EML6: variants seen among roughly 807,000 people sequenced by gnomAD.
EML6 encodes echinoderm microtubule-associated protein-like 6.
In EML6, 154 loss-of-function variants were observed where a neutral mutation model predicts 240.1. The observed-to-expected ratio is 0.64, with a 90% CI of 0.56 to 0.73. EML6 has a LOEUF of 0.73. EML6 is among the 30% of genes least tolerant of loss of function. The pLI, the probability that EML6 is intolerant of heterozygous loss-of-function variation, is 0.00. For missense variants in EML6, 2,964 were observed against 2,474.6 expected (o/e 1.20, Z -4.20); for synonymous variants, 1,148 against 899.0 (o/e 1.28, Z -4.95).
intron 22 of EML6, 55 bp downstream of exon 22, chr2:54,899,837 T>C: frequency 6.8e-7 from 1 of 1,475,626 alleles, no homozygotes; most frequent in African/African-American, 1.4e-5. Flanking sequence ...ACAGAATGTG[T>C]CATATTTATT....
intron 24 of EML6, among the ~76,000 whole-genome samples, chr2:54,908,324 A>G (rs1673456610): frequency 6.6e-6 from 1 of 151,088 alleles, no homozygotes; most frequent in African/African-American, 2.4e-5. Context: ...ATCCTCTCAC[A>G]TCAGCTTCCC....
chr2:54,919,813 C>T (rs1382015258), intron 26 of EML6, among the ~76,000 whole-genome samples: 2 of 152,196 alleles, frequency 1.3e-5, no homozygotes, highest in Non-Finnish European at 2.9e-5. Context: ...AAGTTGTGTT[C>T]CTCAGACCAG....
At chr2:54,731,603 C>A (rs973079807) in intron 2 of EML6, among the ~76,000 whole-genome samples, 1 of 137,580 alleles carries the variant, frequency 7.3e-6, no homozygotes, top group Non-Finnish European at 1.5e-5. Flanking sequence ...GGTGACAGGG[C>A]AAGACCCTGT....
At position 54,968,715 on chromosome 2, in the gene EML6, C is replaced by T; in HGVS notation, c.5799C>T (p.Ile1933=). ...GTCACTCGGCTCACGTGACGAACAT[C>T]CGTTTCTCTTATGATGACAAGTATG... ...YFGHSAHVTN[I]RFSYDDKYVV... The change falls in exon 41 of 42, where the codon ATC becomes ATT. Residue 1933 remains isoleucine (I), a synonymous_variant. Coordinates refer to ENST00000356458, the MANE Select transcript of EML6 (RefSeq NM_001039753.4). The T allele has an allele frequency of 6.4e-7, 1 of 1,551,446 alleles. No individual in the cohort carries two copies. Among genetic ancestry groups the T allele is most frequent in the Non-Finnish European group, 8.7e-7 (1 of 1,146,684 alleles).
chr2:54,749,077 G>A (rs138675291), intron 2 of EML6, among the ~76,000 whole-genome samples: 2 of 152,316 alleles, frequency 1.3e-5, no homozygotes, highest in African/African-American at 2.4e-5. Context: ...TGTGATAGAT[G>A]TTGACAAATT....
chr2:54,742,797 A>G (rs753286800), intron 2 of EML6, among the ~76,000 whole-genome samples: 2 of 152,224 alleles, frequency 1.3e-5, no homozygotes, highest in Admixed American at 1.3e-4. Context: ...GAGTTGAAGA[A>G]TGACATAAAA....
At chr2:54,911,901 T>A (rs558066149) in intron 25 of EML6, among the ~76,000 whole-genome samples, 1 of 152,312 alleles carries the variant, frequency 6.6e-6, no homozygotes, top group African/African-American at 2.4e-5. Flanking sequence ...AACTAACACC[T>A]CTTGAAAGCT....
chr2:54,782,799 C>T (rs1668908856), intron 2 of EML6, among the ~76,000 whole-genome samples: 1 of 152,132 alleles, frequency 6.6e-6, no homozygotes, highest in Non-Finnish European at 1.5e-5. Flanking sequence ...GATTAAAGGC[C>T]ATAACCTCCA....
At chr2:54,782,075 T>C (rs1668879564) in intron 2 of EML6, among the ~76,000 whole-genome samples, 1 of 152,204 alleles carries the variant, frequency 6.6e-6, no homozygotes. Context: ...GCCAACCAAA[T>C]TGCATTCTGT....
chr2:54,813,330 CTCT>C lies in EML6; in HGVS notation c.301_303del (p.Leu101del). ...GATTCCTATAATGTCCAGACTGTGT[CTCT>C]TCTTAAAGATGTCCATACACATGGA... On this transcript the variant is annotated inframe_deletion, in exon 3 of 42. Transcript: ENST00000356458. 6.4e-7 allele frequency: 1 copy of C among 1,551,504 alleles called. No homozygotes were observed. Among genetic ancestry groups the C allele is most frequent in the East Asian group, 2.4e-5 (1 of 40,916 alleles).
chr2:54,924,340 G>A (rs2104366825), intron 26 of EML6, among the ~76,000 whole-genome samples: 1 of 151,860 alleles, frequency 6.6e-6, no homozygotes, highest in East Asian at 1.9e-4. Context: ...ACATTTCTCT[G>A]ATGACTAAGG....
Position 54,892,574 on chromosome 2 carries a change from T to A in EML6, c.2660T>A (p.Ile887Asn). ...TTCTCAGGAGCAGCTACTGGAGATA[T>A]TTTTATTTGGAAAGACATTCTACTA... ...LVFSGAATGD[I>N]FIWKDILLLK... The change falls in exon 19 of 42, where the codon ATT becomes AAT. Residue 887 changes from isoleucine to asparagine, a missense_variant. By Grantham distance (149) the Ile-to-Asn change is moderately radical. Coordinates refer to ENST00000356458, the MANE Select transcript of EML6 (RefSeq NM_001039753.4). The A allele has an allele frequency of 6.4e-7, 1 of 1,551,644 alleles. No individual in the cohort carries two copies. The highest frequency in any genetic ancestry group is 8.7e-7 in the Non-Finnish European group (1 of 1,146,832).
At chr2:54,952,315 G>C (rs1311617551) in intron 30 of EML6, among the ~76,000 whole-genome samples, 1 of 152,130 alleles carries the variant, frequency 6.6e-6, no homozygotes, top group Non-Finnish European at 1.5e-5. Flanking sequence ...CTTGAACTGT[G>C]CTCTGGACCC....
At chr2:54,759,216 C>T (rs1333890330) in intron 2 of EML6, among the ~76,000 whole-genome samples, 1 of 149,198 alleles carries the variant, frequency 6.7e-6, no homozygotes, top group African/African-American at 2.5e-5. Context: ...CAAGTTCATA[C>T]TAGATGAATA....
intron 2 of EML6, among the ~76,000 whole-genome samples, chr2:54,767,526 A>T (rs1033109297): frequency 6.6e-6 from 1 of 151,716 alleles, no homozygotes; most frequent in Non-Finnish European, 1.5e-5. Flanking sequence ...GTCTATTGCA[A>T]TTTAGTTCTG....
Position 54,960,212 on chromosome 2 carries a change from T to A in EML6, c.4854-8T>A, listed in dbSNP as rs1291831641. ...TTAACAGCCTGAGTCCCTTTCAATC[T>A]TTTTTAGGACCAAAGAAGGAGGTGC... is the stretch of plus-strand genomic sequence containing the variant. On this transcript the variant is annotated splice_region_variant and splice_polypyrimidine_tract_variant and intron_variant, in intron 34 of 41. Coordinates refer to ENST00000356458, the MANE Select transcript of EML6 (RefSeq NM_001039753.4). 6.5e-7 allele frequency: 1 copy of A among 1,544,134 alleles called. No individual in the cohort carries two copies. Among genetic ancestry groups the A allele is most frequent in the African/African-American group, 1.4e-5 (1 of 72,840 alleles).
chr2:54,726,100 C>G (rs1020269554), intron 2 of EML6, among the ~76,000 whole-genome samples: 1 of 152,222 alleles, frequency 6.6e-6, no homozygotes, highest in African/African-American at 2.4e-5. Flanking sequence ...TGTGAGCAAA[C>G]AAGGTATGGG....
At chr2:54,842,714 C>A (rs1205872768) in intron 7 of EML6, among the ~76,000 whole-genome samples, 1 of 152,114 alleles carries the variant, frequency 6.6e-6, no homozygotes, top group Non-Finnish European at 1.5e-5. Context: ...AAATAACAAA[C>A]CCAGTAAGGA....
chr2:54,782,677 T>TA (rs1668903146), intron 2 of EML6, among the ~76,000 whole-genome samples: 1 of 151,972 alleles, frequency 6.6e-6, no homozygotes, highest in Admixed American at 6.6e-5. Flanking sequence ...TTTTTTTTTT[T>TA]TTTGGCTAAA....
Sources: gnomAD v4.1 joint callset for allele counts (sites outside exome capture counted in the v4.1 genomes callset) on GRCh38, gnomAD v4.1.1 for gene constraint, MANE v1.5 for transcripts, NCBI Gene and HGNC (gene_info 2026-07-23, HGNC 2026-07-21) for gene names.